Variants in LRP1 observed in about 807,000 individuals in gnomAD.
The protein encoded by LRP1 is LDL receptor related protein 1, also known as prolow-density lipoprotein receptor-related protein 1.
In LRP1, 51 loss-of-function variants were observed where a neutral mutation model predicts 541.5. That is an observed-to-expected ratio of 0.09 (90% CI 0.08 to 0.12). The LOEUF (loss-of-function observed/expected upper bound fraction) is 0.12, where lower values mean the gene tolerates loss of function less well. LRP1 is among the 10% of genes least tolerant of loss of function. LRP1 has a pLI of 1.00. For missense variants in LRP1, 3,878 were observed against 6,376.2 expected (o/e 0.61, Z 13.34); for synonymous variants, 2,219 against 2,470.8 (o/e 0.90, Z 3.02).
rs148647371 is a variant in LRP1, at chr12:57,197,073, G to A, written c.8984G>A (p.Arg2995His). 1.9e-4 allele frequency: 312 copies of A among 1,614,094 alleles called. No individual in the cohort carries two copies. Among genetic ancestry groups the A allele is most frequent in the African/African-American group, 1.7e-3 (129 of 75,038 alleles). ...ECSTTFPCSQ[R>H]CINTHGSYKC... is the part of the protein sequence containing the mutation. ...AGCACCACCTTCCCCTGCAGCCAGC[G>A]CTGCATCAACACTCATGGCAGCTAT... Residue 2995 changes from arginine to histidine, a missense_variant, in exon 56 of 89, where the codon CGC (arginine) becomes CAC (histidine). Arg to His is a conservative substitution (Grantham distance 29). This residue lies in a region of LRP1 where 1,100 missense variants were observed against 1,827.4 expected (regional missense o/e 0.60). Transcript: ENST00000243077. This position sits in a 1 kb window ranked among gnomAD's most constrained non-coding sequence, Gnocchi z 4.5.
At chr12:57,134,797 C>T (rs1391928055) in intron 1 of LRP1, among the ~76,000 whole-genome samples, 20 of 152,152 alleles carry the variant, frequency 1.3e-4, no homozygotes, top group Admixed American at 1.3e-3. Flanking sequence ...CTCCGCCTCC[C>T]CTGGTTCACG....
In LRP1 at chr12:57,166,146, T is replaced by C; in HGVS notation, c.2734T>C (p.Trp912Arg). 6.2e-7 allele frequency: 1 copy of C among 1,614,200 alleles called. No homozygotes were observed. The highest frequency in any genetic ancestry group is 8.5e-7 in the Non-Finnish European group (1 of 1,180,052). The change falls in exon 17 of 89, where the codon TGG (tryptophan) becomes CGG (arginine). Residue 912 changes from tryptophan to arginine, a missense_variant. This residue lies in a region of LRP1 where 496 missense variants were observed against 861.0 expected (regional missense o/e 0.58). Coordinates refer to ENST00000243077, the MANE Select transcript of LRP1 (RefSeq NM_002332.3). The part of the protein sequence containing the change: ...CENNRCIPNR[W>R]LCDGDNDCGN... ...GAACAACCGGTGCATCCCCAACCGCTGGCTCTGCGACGGGGACAATGACTG... is the reference window on the plus strand; with the variant it reads ...GAACAACCGGTGCATCCCCAACCGCCGGCTCTGCGACGGGGACAATGACTG...
rs2035659646 is a variant in LRP1 at position 57,158,241 on chromosome 12, G to T, written c.1562-161G>T. Among the ~76,000 whole-genome samples, 1 of 152,218 alleles carries T rather than the reference G, an allele frequency of 6.6e-6. No individual in the cohort carries two copies. The highest frequency in any genetic ancestry group is 2.1e-4 in the South Asian group (1 of 4,836). On this transcript the variant is annotated intron_variant, in intron 10 of 88. Coordinates refer to ENST00000243077, the MANE Select transcript of LRP1 (RefSeq NM_002332.3). This position sits in a 1 kb window ranked among gnomAD's most constrained non-coding sequence, Gnocchi z 5.3. The stretch of plus-strand genomic sequence containing the variant: ...GCGGCCAGGACCCATCGTCCTGTAT[G>T]TTAGCGTGTGCGTGGTCTGTCCATC...
intron 63 of LRP1, 27 bp downstream of exon 63, chr12:57,200,562 G>C: frequency 1.3e-6 from 2 of 1,599,796 alleles, no homozygotes; most frequent in Non-Finnish European, 8.6e-7. Context: ...GGTGACAGGA[G>C]GGCCCCCAGC....
rs1367852244 is a variant in LRP1 at position 57,162,070 on chromosome 12, C to G, written c.2203-247C>G. Reference sequence around the variant, plus strand: ...GGACTATGAATGAATAGGAATGAGCCCAGGAGAGGACCATATGGACAACCT... The same window carrying G: ...GGACTATGAATGAATAGGAATGAGCGCAGGAGAGGACCATATGGACAACCT... On this transcript the variant is annotated intron_variant, in intron 13 of 88. Transcript: ENST00000243077. The surrounding 1 kb of genome is among the most constrained non-coding windows in gnomAD (Gnocchi z 5.2). Among the ~76,000 whole-genome samples the G allele has an allele frequency of 6.6e-6, 1 of 151,838 alleles. No homozygotes were observed. The highest frequency in any genetic ancestry group is 2.4e-5 in the African/African-American group (1 of 41,282).
chr12:57,199,250 C>T lies in LRP1; in HGVS notation c.9715C>T (p.Leu3239=), dbSNP rs1194285532. The T allele has an allele frequency of 1.2e-6, 2 of 1,613,928 alleles. No individual in the cohort carries two copies. The highest frequency in any genetic ancestry group is 4.5e-5 in the East Asian group (2 of 44,882). Residue 3239 remains leucine, a synonymous_variant, in exon 61 of 89, where the codon CTG becomes TTG. Coordinates refer to ENST00000243077, the MANE Select transcript of LRP1 (RefSeq NM_002332.3). The stretch of plus-strand genomic sequence containing the variant: ...CATCCCGCACATCTTTGCACTGACC[C>T]TGTTTGAGGACTACGTCTACTGGAC... ...QDIPHIFALT[L]FEDYVYWTDW...
In LRP1 at chr12:57,203,596, A is replaced by T. The variant is rs555511018; in HGVS notation, c.10951+75A>T. The T allele has an allele frequency of 9.2e-5, 130 of 1,413,820 alleles. 1 individual carries two copies. In the South Asian group the frequency reaches 1.7e-3, roughly 19 times the overall value. The allele number at this position is 1,413,820 out of a possible 1,614,324, so 87.6% of individuals were successfully genotyped here. The stretch of plus-strand genomic sequence containing the variant: ...CGCCACATGGCCCAGTCATTCACTC[A>T]TTCTTTCTCTTCTGTATTCATTCTT... On this transcript the variant is annotated intron_variant, in intron 70 of 88. Coordinates refer to ENST00000243077, the MANE Select transcript of LRP1 (RefSeq NM_002332.3).
rs959267372 is a variant in LRP1 at position 57,211,477 on chromosome 12, C to A, written c.13092-10C>A. 25 of 1,613,492 alleles carry A rather than the reference C, an allele frequency of 1.5e-5. No homozygotes were observed. In the African/African-American group the frequency reaches 1.9e-4, roughly 12 times the overall value. ...CAGCCCCAGCCCCAGCCTCTGATTC[C>A]TTCCTGCAGCTGCACGGATGGCCGG... On this transcript the variant is annotated splice_polypyrimidine_tract_variant and intron_variant, in intron 84 of 88. Coordinates refer to ENST00000243077, the MANE Select transcript of LRP1 (RefSeq NM_002332.3). The surrounding 1 kb of genome is among the most constrained non-coding windows in gnomAD (Gnocchi z 4.3).
intron 61 of LRP1, 101 bp downstream of exon 61, chr12:57,199,501 G>A: frequency 7.7e-7 from 1 of 1,306,078 alleles, no homozygotes; most frequent in Non-Finnish European, 1.1e-6. Context: ...AAGCCCTCCT[G>A]GCCAGACACT....
At chr12:57,146,529 AAAAG>A (rs1165078453) in intron 6 of LRP1, 1 of 152,236 alleles carries the variant, frequency 6.6e-6, no homozygotes, top group African/African-American at 2.4e-5. Flanking sequence ...TCTTGTGATG[AAAAG>A]AAAGATCCCA....
At position 57,202,543 on chromosome 12, in the gene LRP1, T is replaced by TTGGCCCCCCCCCCCCCCC; in HGVS notation, c.10711+6_10711+7insTGGCCCCCCCCCCCCCCC. ...CTCCGATGAAGAGAGCTGCAGTACG[T>TTGGCCCCCCCCCCCCCCC]CCCCACCCACCCAGCCCCGCATGAG... On this transcript the variant is annotated splice_region_variant and intron_variant, in intron 68 of 88. Transcript: ENST00000243077. 1 of 1,523,636 alleles carries TTGGCCCCCCCCCCCCCCC rather than the reference T, an allele frequency of 6.6e-7. No homozygotes were observed. Among genetic ancestry groups the TTGGCCCCCCCCCCCCCCC allele is most frequent in the Non-Finnish European group, 8.9e-7 (1 of 1,124,814 alleles). The allele number at this position is 1,523,636 out of a possible 1,614,324, so 94.4% of individuals were successfully genotyped here.
At chr12:57,171,866 G>A (rs2035949361) in intron 20 of LRP1, among the ~76,000 whole-genome samples, 1 of 152,036 alleles carries the variant, frequency 6.6e-6, no homozygotes, top group Non-Finnish European at 1.5e-5. Context: ...CAGGACAGCA[G>A]CCAGAGTGAT....
intron 1 of LRP1, among the ~76,000 whole-genome samples, chr12:57,131,379 G>GC (rs1161976069): frequency 2.0e-5 from 3 of 152,158 alleles, no homozygotes; most frequent in African/African-American, 7.2e-5. Context: ...ACTATTGAGG[G>GC]CCCTGCTGAG....
At position 57,174,228 on chromosome 12, in the gene LRP1, C is replaced by T. The variant is rs35720812; in HGVS notation, c.3547+248C>T. On this transcript the variant is annotated intron_variant, in intron 22 of 88. Coordinates refer to ENST00000243077, the MANE Select transcript of LRP1 (RefSeq NM_002332.3). ...TGGGGGCCAGGTGCTCTGTTTTCTCCGTTTGACAGATGGGAGCACTGAGGC... is the reference window on the plus strand; with the variant it reads ...TGGGGGCCAGGTGCTCTGTTTTCTCTGTTTGACAGATGGGAGCACTGAGGC... Among the ~76,000 whole-genome samples the T allele has an allele frequency of 8.3e-3, 1,264 of 152,294 alleles. 13 individuals carry two copies. Among genetic ancestry groups the T allele is most frequent in the Non-Finnish European group, 9.7e-3 (663 of 68,024 alleles).
In LRP1 at chr12:57,211,488, T is replaced by A; in HGVS notation, c.13093T>A (p.Cys4365Ser). Reference sequence around the variant, plus strand: ...CCAGCCTCTGATTCCTTCCTGCAGCTGCACGGATGGCCGGGTGGCCCCCAG... The same window carrying A: ...CCAGCCTCTGATTCCTTCCTGCAGCAGCACGGATGGCCGGGTGGCCCCCAG... ...NKQSGDVTCN[C>S]TDGRVAPSCL... Residue 4365 changes from cysteine (C) to serine (S), a missense_variant and splice_region_variant, in exon 85 of 89, where the codon TGC (cysteine) becomes AGC (serine). By Grantham distance (112) the Cys-to-Ser change is moderately radical. Around this residue, in one of 13 missense-constraint regions of LRP1, gnomAD observed 871 missense variants for 1,212.4 expected, o/e 0.72. Coordinates refer to ENST00000243077, the MANE Select transcript of LRP1 (RefSeq NM_002332.3). This position sits in a 1 kb window ranked among gnomAD's most constrained non-coding sequence, Gnocchi z 4.3. The A allele has an allele frequency of 6.2e-7, 1 of 1,613,770 alleles. No individual in the cohort carries two copies.
intron 41 of LRP1, among the ~76,000 whole-genome samples, chr12:57,186,305 G>A (rs887793532): frequency 1.1e-4 from 17 of 152,194 alleles, no homozygotes; most frequent in South Asian, 6.2e-4. Context: ...AGGATTCCTC[G>A]AGCTGCTGCG....
At chr12:57,149,125 C>T in intron 6 of LRP1, 1 of 474,230 alleles carries the variant, frequency 2.1e-6, no homozygotes. Context: ...CTGTGCTGGG[C>T]ACCCCTGGAC....
chr12:57,199,887 C>A lies in LRP1; in HGVS notation c.9876C>A (p.His3292Gln). 1 of 1,591,914 alleles carries A rather than the reference C, an allele frequency of 6.3e-7. No homozygotes were observed. Among genetic ancestry groups the A allele is most frequent in the Non-Finnish European group, 8.5e-7 (1 of 1,172,168 alleles). ...HALRQPDVPN[H>Q]PCKVNNGGCS... The stretch of plus-strand genomic sequence containing the variant: ...CGTTTTCTCTGGCAGTGCCCAATCA[C>A]CCCTGCAAGGTCAACAATGGTGGCT... The change falls in exon 62 of 89, where the codon CAC becomes CAA. Residue 3292 changes from histidine (H) to glutamine (Q), a missense_variant. By Grantham distance (24) the His-to-Gln change is conservative (BLOSUM62 0). Coordinates refer to ENST00000243077, the MANE Select transcript of LRP1 (RefSeq NM_002332.3).
At chr12:57,161,386 G>C (rs1277585216) in intron 13 of LRP1, among the ~76,000 whole-genome samples, 28 of 152,136 alleles carry the variant, frequency 1.8e-4, no homozygotes, top group Non-Finnish European at 5.9e-5. Flanking sequence ...CTGTCCATGT[G>C]CCAGTCTCTG....
Sources: gnomAD v4.1 joint callset for allele counts (sites outside exome capture counted in the v4.1 genomes callset) on GRCh38, gnomAD v4.1.1 for gene constraint, gnomAD v4.1.1 regional missense constraint, Gnocchi (gnomAD v3.1) non-coding constraint, MANE v1.5 for transcripts, NCBI Gene and HGNC (gene_info 2026-07-23, HGNC 2026-07-21) for gene names.